The following KALRN variants were observed in gnomAD, a reference collection of about 807,000 sequenced individuals.
KALRN encodes the protein kalirin.
In KALRN, 70 loss-of-function variants were observed where a neutral mutation model predicts 353.7. The observed-to-expected ratio is 0.20, with a 90% CI of 0.16 to 0.24. The LOEUF is 0.24. KALRN is among the 10% of genes least tolerant of loss of function. KALRN has a pLI of 1.00. For synonymous variants in KALRN, 1,391 were observed against 1,434.8 expected (o/e 0.97, Z 0.69); for missense variants, 2,791 against 3,756.7 (o/e 0.74, Z 6.72).
chr3:124,559,904 G>A (rs1353176194), intron 33 of KALRN, among the ~76,000 whole-genome samples: 1 of 152,184 alleles, frequency 6.6e-6, no homozygotes, highest in Non-Finnish European at 1.5e-5. Flanking sequence ...AATGGCTTTT[G>A]GGCTGTATCT....
At chr3:124,304,105 A>G (rs975173236) in intron 6 of KALRN, among the ~76,000 whole-genome samples, 4 of 141,168 alleles carry the variant, frequency 2.8e-5, no homozygotes, top group Middle Eastern at 3.5e-3. Flanking sequence ...TTAGAATGTC[A>G]GAATTTCTAG....
chr3:124,584,735 C>T, intron 34 of KALRN: 1 of 1,507,660 alleles, frequency 6.6e-7, no homozygotes, highest in Non-Finnish European at 8.8e-7. Context: ...GGCTCTCGGG[C>T]GGCGGCGCTG....
intron 1 of KALRN, among the ~76,000 whole-genome samples, chr3:124,044,140 C>G (rs749403323): frequency 2.0e-5 from 3 of 152,164 alleles, no homozygotes; most frequent in Non-Finnish European, 2.9e-5. Flanking sequence ...GCCATACTCT[C>G]TTTCTTGGAC....
chr3:124,542,442 G>A (rs1448689193), intron 33 of KALRN, among the ~76,000 whole-genome samples: 1 of 152,146 alleles, frequency 6.6e-6, no homozygotes, highest in East Asian at 1.9e-4. Flanking sequence ...ATTACCTCCT[G>A]TAAGTCCCTC....
At chr3:124,402,993 G>A (rs977775900) in intron 13 of KALRN, among the ~76,000 whole-genome samples, 6 of 152,050 alleles carry the variant, frequency 3.9e-5, no homozygotes, top group Non-Finnish European at 8.8e-5. Flanking sequence ...TTTTTGTGAA[G>A]GTTAGTTTAG....
chr3:124,448,429 T>C (rs1366291718), intron 21 of KALRN, among the ~76,000 whole-genome samples: 1 of 152,220 alleles, frequency 6.6e-6, no homozygotes, highest in African/African-American at 2.4e-5. Context: ...ACAGCTGTGC[T>C]ACCCTACCTC....
chr3:124,080,987 T>C (rs1456203188), intron 1 of KALRN, among the ~76,000 whole-genome samples: 4 of 152,224 alleles, frequency 2.6e-5, no homozygotes, highest in Non-Finnish European at 5.9e-5. Flanking sequence ...AAGCTCACTG[T>C]ATGCTCCTAA....
rs201835992 is a variant in KALRN, at chr3:124,717,323, C to T, written c.8353C>T (p.Arg2785Ter). 5 of 1,612,318 alleles carry T rather than the reference C, an allele frequency of 3.1e-6. No individual in the cohort carries two copies. Among genetic ancestry groups the T allele is most frequent in the African/African-American group, 1.3e-5 (1 of 74,990 alleles). ...GGAGGAAAAAGTAGCTTTCTATATC[C>T]GAGACATCATGGAGGCTCTGCAGTA... ...LMEEKVAFYIRDIMEALQYLH... is the reference protein window; with the variant it reads ...LMEEKVAFYI Residue 2785 changes from arginine to a stop codon, truncating the protein, a stop_gained, in exon 59 of 60, where the codon CGA (arginine) becomes TGA (stop). Coordinates refer to ENST00000682506, the MANE Select transcript of KALRN (RefSeq NM_001388419.1). LOFTEE classifies it high-confidence loss of function.
At chr3:124,371,045 T>A (rs2085766581) in intron 10 of KALRN, among the ~76,000 whole-genome samples, 1 of 152,230 alleles carries the variant, frequency 6.6e-6, no homozygotes, top group Non-Finnish European at 1.5e-5. Flanking sequence ...AATTTCACCA[T>A]TCTTCCACCC....
At chr3:124,491,147 C>T (rs578157814) in intron 30 of KALRN, among the ~76,000 whole-genome samples, 176 bp from the exon 31 acceptor site, 38 of 152,246 alleles carry the variant, frequency 2.5e-4, no homozygotes, top group African/African-American at 9.1e-4. Context: ...AGGCACGTGC[C>T]TGTAGGTCCT....
intron 51 of KALRN, among the ~76,000 whole-genome samples, chr3:124,688,728 A>C (rs2061673531): frequency 6.6e-6 from 1 of 152,062 alleles, no homozygotes. Context: ...TTTCTTCTGG[A>C]GTCAGTTAAC....
At position 124,720,620 on chromosome 3, in the gene KALRN, C is replaced by G. The variant is rs1196252971; in HGVS notation, c.*1150C>G. Reference sequence around the variant, plus strand: ...CATGGAACAAAACCTGATACATCACCCTAACAGAGCATTAAGTTGTAACTG... The same window carrying G: ...CATGGAACAAAACCTGATACATCACGCTAACAGAGCATTAAGTTGTAACTG... On this transcript the variant is annotated 3_prime_UTR_variant, in exon 60 of 60. Transcript: ENST00000682506. 6.6e-6 allele frequency: 1 copy of G among 152,554 alleles called. No individual in the cohort carries two copies. Among genetic ancestry groups the G allele is most frequent in the Non-Finnish European group, 1.5e-5 (1 of 68,028 alleles). The allele number at this position is 152,554 out of a possible 1,614,324, so 9.5% of individuals were successfully genotyped here. A position where few individuals can be genotyped will look rare whatever the true frequency, so the allele number is the denominator to read the frequency against.
intron 6 of KALRN, among the ~76,000 whole-genome samples, chr3:124,313,010 T>C (rs548951020): frequency 2.8e-4 from 42 of 152,342 alleles, no homozygotes; most frequent in Non-Finnish European, 5.4e-4. Flanking sequence ...GCATCAAGGA[T>C]GCAGAGCTAG....
chr3:124,483,032 C>T (rs143801165), intron 28 of KALRN, 132 bp downstream of exon 28: 1 of 690,318 alleles, frequency 1.4e-6, no homozygotes, highest in Admixed American at 2.2e-5. Context: ...AACTTCAGCC[C>T]ACACTGGCAT....
At position 124,719,450 on chromosome 3, in the gene KALRN, C is replaced by T. The variant is rs957655134; in HGVS notation, c.8941C>T (p.Arg2981Trp). 24 of 1,613,220 alleles carry T rather than the reference C, an allele frequency of 1.5e-5. No homozygotes were observed. The highest frequency in any genetic ancestry group is 2.7e-5 in the African/African-American group (2 of 75,034). The change falls in exon 60 of 60, where the codon CGG (arginine) becomes TGG (tryptophan). Residue 2981 changes from arginine to tryptophan, a missense_variant. By Grantham distance (101) the Arg-to-Trp change is moderately radical. Around this residue, in one of 11 missense-constraint regions of KALRN, gnomAD observed 32 missense variants for 27.4 expected, o/e 1.17. Coordinates refer to ENST00000682506, the MANE Select transcript of KALRN (RefSeq NM_001388419.1). The surrounding 1 kb of genome is among the most constrained non-coding windows in gnomAD (Gnocchi z 5.3). ...CAATGTCAAGAGCTACATTGTCAAC[C>T]GGGTGAACCAAGGGACGTAGCCATC... is the stretch of plus-strand genomic sequence containing the variant. ...IPNVKSYIVN[R>W]VNQGT
chr3:124,061,715 G>T (rs1419825543), intron 1 of KALRN, among the ~76,000 whole-genome samples: 1 of 152,176 alleles, frequency 6.6e-6, no homozygotes, highest in African/African-American at 2.4e-5. Flanking sequence ...CAACATGGTT[G>T]TTACAGTAAC....
chr3:124,625,218 G>C (rs2079802208), intron 34 of KALRN, among the ~76,000 whole-genome samples: 1 of 152,170 alleles, frequency 6.6e-6, no homozygotes, highest in Admixed American at 6.5e-5. Flanking sequence ...CAGAAACCAA[G>C]GTAACCTGCC....
chr3:124,514,633 T>C (rs1422639058), intron 33 of KALRN, among the ~76,000 whole-genome samples: 1 of 152,136 alleles, frequency 6.6e-6, no homozygotes, highest in Non-Finnish European at 1.5e-5. Flanking sequence ...GTTGAATAAT[T>C]TACCCAGGGT....
chr3:124,064,307 GA>G (rs941117834), intron 1 of KALRN, among the ~76,000 whole-genome samples: 14 of 148,572 alleles, frequency 9.4e-5, no homozygotes, highest in South Asian at 2.1e-4. Context: ...CTGAGAGACT[GA>G]AAAAAAAAAG....
Sources: allele counts gnomAD v4.1 joint callset (sites outside exome capture counted in the v4.1 genomes callset), GRCh38; gene constraint gnomAD v4.1.1; regional missense constraint gnomAD v4.1.1; non-coding constraint Gnocchi (gnomAD v3.1); transcripts MANE v1.5; gene names NCBI Gene and HGNC (gene_info 2026-07-23, HGNC 2026-07-21).